Variants in SPACA6 observed in about 807,000 individuals in gnomAD.
The protein encoded by SPACA6 is sperm acrosome membrane-associated protein 6.
For missense variants in SPACA6, 8 were observed against 2.8 expected, an observed-to-expected ratio of 2.88 and a Z score of -1.34; for synonymous variants, 6 against 1.5, an observed-to-expected ratio of 4.05 and a Z score of -2.21.
intron 8 of SPACA6, chr19:51,704,837 C>G: frequency 2.9e-6 from 1 of 343,642 alleles, no homozygotes; most frequent in Non-Finnish European, 5.0e-6. Context: ...TCCAAGAGTC[C>G]AAGCCCCCGG....
At chr19:51,706,352 C>T (rs1170252916), downstream of SPACA6, among the ~76,000 whole-genome samples, 3 of 152,110 alleles carry the variant, frequency 2.0e-5, no homozygotes, top group South Asian at 2.1e-4. Flanking sequence ...CTATTAACCC[C>T]GCTAATCCCC....
intron 3 of SPACA6, among the ~76,000 whole-genome samples, chr19:51,702,272 A>G (rs2083474320): frequency 6.6e-6 from 1 of 151,704 alleles, no homozygotes; most frequent in African/African-American, 2.4e-5. Context: ...TAACTGGGCC[A>G]CCACCTTAGC....
intron 2 of SPACA6, among the ~76,000 whole-genome samples, chr19:51,699,229 G>A (rs2083451243): frequency 1.3e-5 from 2 of 152,032 alleles, no homozygotes; most frequent in Admixed American, 6.6e-5. Context: ...GGCTTGTCTC[G>A]AACTCCTGGC....
At chr19:51,707,403 A>G (rs2083521181), downstream of SPACA6, among the ~76,000 whole-genome samples, 1 of 151,944 alleles carries the variant, frequency 6.6e-6, no homozygotes. Context: ...TTGTATTTTT[A>G]GTAGAGACGG....
chr19:51,691,033 C>A (rs952032102), upstream of SPACA6, among the ~76,000 whole-genome samples: 1 of 150,432 alleles, frequency 6.6e-6, no homozygotes, highest in African/African-American at 2.4e-5. Context: ...GGCCGTAGAC[C>A]CGTCTCCGGC....
upstream of SPACA6, among the ~76,000 whole-genome samples, chr19:51,691,601 G>A (rs370415180): frequency 6.6e-6 from 1 of 152,158 alleles, no homozygotes; most frequent in East Asian, 1.9e-4. Context: ...CAGAGCCAGG[G>A]AGGGATGTCC....
chr19:51,700,713 G>A (rs755445670), intron 2 of SPACA6, among the ~76,000 whole-genome samples: 58 of 152,214 alleles, frequency 3.8e-4, no homozygotes, highest in Middle Eastern at 3.4e-3. Context: ...ATTTACTTAC[G>A]AGACAGACAT....
intron 3 of SPACA6, among the ~76,000 whole-genome samples, chr19:51,702,019 C>A (rs2083472159): frequency 6.6e-6 from 1 of 152,108 alleles, no homozygotes; most frequent in African/African-American, 2.4e-5. Flanking sequence ...TGCAGTGACC[C>A]GAGATCGGCA....
intron 4 of SPACA6, 97 bp from the exon 5 acceptor site, chr19:51,702,924 C>T: frequency 2.5e-6 from 1 of 399,106 alleles, no homozygotes; most frequent in Non-Finnish European, 4.4e-6. Context: ...GCCACCTGGC[C>T]GATGGACCCC....
In SPACA6 at chr19:51,703,205, A is replaced by C. The variant is rs531863692; in HGVS notation, c.464-23A>C. 2 of 399,372 alleles carry C rather than the reference A, an allele frequency of 5.0e-6. No individual in the cohort carries two copies. Among genetic ancestry groups the C allele is most frequent in the Non-Finnish European group, 4.4e-6 (1 of 226,142 alleles). 24.7% of individuals were successfully genotyped at this position (399,372 alleles called of 1,614,324 possible). On this transcript the variant is annotated intron_variant, in intron 5 of 8. Coordinates refer to ENST00000637797, the MANE Select transcript of SPACA6 (RefSeq NM_001316972.2). The surrounding 1 kb of genome is among the most constrained non-coding windows in gnomAD (Gnocchi z 4.2). ...GGCCAGACGTGGTCGGGGCCCAGCG[A>C]GTGAACCCTGCTCCGTCTTCAGTTC...
chr19:51,684,909 T>C (rs1420832708), upstream of SPACA6, among the ~76,000 whole-genome samples: 1 of 152,216 alleles, frequency 6.6e-6, no homozygotes, highest in Non-Finnish European at 1.5e-5. Context: ...TGTGGTGCTC[T>C]AGGATTATCT....
At chr19:51,688,937 G>GGAGAGAGA (rs1555791944), upstream of SPACA6, among the ~76,000 whole-genome samples, 919 of 147,360 alleles carry the variant, frequency 6.2e-3, 8 homozygotes, top group Non-Finnish European at 0.011. Flanking sequence ...GAGAAGGGAG[G>GGAGAGAGA]GAGGGAGAGA....
upstream of SPACA6, among the ~76,000 whole-genome samples, chr19:51,690,607 G>A (rs1304917836): frequency 6.6e-6 from 1 of 152,120 alleles, no homozygotes; most frequent in Non-Finnish European, 1.5e-5. Context: ...CAGAGAGGGG[G>A]AGGGGGACCT....
At chr19:51,712,063 G>A (rs7252881) in exon 3 of SPACA6, 81,324 of 152,102 alleles carry the variant, frequency 0.53, 22,014 homozygotes, top group East Asian at 0.84. Context: ...CCAGGCTGGA[G>A]TGCAGTGGCA....
At chr19:51,701,169 C>A (rs1053486554) in intron 2 of SPACA6, among the ~76,000 whole-genome samples, 2 of 152,114 alleles carry the variant, frequency 1.3e-5, no homozygotes, top group Non-Finnish European at 2.9e-5. Context: ...TTGCGGTGAG[C>A]CGAGATCGCA....
At chr19:51,701,160 T>G (rs1309866970) in intron 2 of SPACA6, among the ~76,000 whole-genome samples, 1 of 151,932 alleles carries the variant, frequency 6.6e-6, no homozygotes, top group Non-Finnish European at 1.5e-5. Context: ...AGGCGGAGGT[T>G]GCGGTGAGCC....
chr19:51,693,709 C>T lies in SPACA6; in HGVS notation c.183C>T (p.Ala61=), dbSNP rs1023641652. The change falls in exon 1 of 9, where the codon GCC becomes GCT. Residue 61 remains alanine (A), a synonymous_variant. Transcript: ENST00000637797. ...AAGAGTGTGAGGAGGCCTTCACGGCCGCCTTCCAGGGCCTCTCTGACACCG... is the reference window on the plus strand; with the variant it reads ...AAGAGTGTGAGGAGGCCTTCACGGCTGCCTTCCAGGGCCTCTCTGACACCG... ...KLEECEEAFT[A]AFQGLSDTEI... 29 of 406,718 alleles carry T rather than the reference C, an allele frequency of 7.1e-5. No individual in the cohort carries two copies. In the Middle Eastern group the frequency reaches 2.8e-3, roughly 39 times the overall value. The allele number at this position is 406,718 out of a possible 1,614,324, so 25.2% of individuals were successfully genotyped here.
chr19:51,690,904 T>G (rs1233516365), upstream of SPACA6, among the ~76,000 whole-genome samples: 1 of 139,110 alleles, frequency 7.2e-6, no homozygotes, highest in African/African-American at 2.6e-5. Flanking sequence ...GCCAGGTTGG[T>G]GTGGGGGGGT....
chr19:51,705,897 A>G (rs1375021856), downstream of SPACA6, among the ~76,000 whole-genome samples: 1 of 152,084 alleles, frequency 6.6e-6, no homozygotes, highest in Non-Finnish European at 1.5e-5. Flanking sequence ...GGGTTTCACC[A>G]TGTGGCCAGG....
Sources: allele counts gnomAD v4.1 joint callset (sites outside exome capture counted in the v4.1 genomes callset), GRCh38; gene constraint gnomAD v4.1.1; non-coding constraint Gnocchi (gnomAD v3.1); transcripts MANE v1.5; gene names NCBI Gene and HGNC (gene_info 2026-07-23, HGNC 2026-07-21).